UBXN1: variants seen among roughly 807,000 people sequenced by gnomAD.
UBXN1 encodes the protein UBX domain protein 1.
UBXN1 carries 21 observed loss-of-function variants against 42.0 expected under a neutral mutation model. That is an observed-to-expected ratio of 0.50 (90% CI 0.35 to 0.72). The LOEUF is 0.72. Ranked by LOEUF, UBXN1 falls within the 30% of genes least tolerant of loss-of-function variation. The pLI is 0.00. For missense variants in UBXN1, 374 were observed against 382.2 expected, an observed-to-expected ratio of 0.98 and a Z score of 0.18; for synonymous variants, 172 against 142.6, an observed-to-expected ratio of 1.21 and a Z score of -1.47.
At position 62,676,880 on chromosome 11, in the gene UBXN1, T is replaced by A; in HGVS notation, c.777A>T (p.Gln259His). Residue 259 changes from glutamine (Q) to histidine (H), a missense_variant, in exon 8 of 9, where the codon CAA (glutamine) becomes CAT (histidine). Physicochemically the swap from Gln to His is conservative, Grantham distance 24. Transcript: ENST00000301935. ...EELGGGQDPVQLLSGFPRRAF... is the reference protein window; with the variant it reads ...EELGGGQDPVHLLSGFPRRAF... ...CCCGTCTGGGGAAGCCACTGAGCAATTGCACAGGGTCCTGGCCCCCACCTA... is the reference window on the plus strand; with the variant it reads ...CCCGTCTGGGGAAGCCACTGAGCAAATGCACAGGGTCCTGGCCCCCACCTA... 1 of 1,614,054 alleles carries A rather than the reference T, an allele frequency of 6.2e-7. No individual in the cohort carries two copies. Among genetic ancestry groups the A allele is most frequent in the Non-Finnish European group, 8.5e-7 (1 of 1,180,034 alleles).
At position 62,679,043 on chromosome 11, in the gene UBXN1, C is replaced by A; in HGVS notation, c.-120G>T. The stretch of plus-strand genomic sequence containing the variant: ...GACGGGCGCTCGCTCTCTCACCCGG[C>A]TCTATAGCAGCCGGGAACACCGACG... On this transcript the variant is annotated 5_prime_UTR_variant, in exon 1 of 9. Transcript: ENST00000301935. 9.0e-7 allele frequency: 1 copy of A among 1,106,536 alleles called. No individual in the cohort carries two copies. The highest frequency in any genetic ancestry group is 1.3e-6 in the Non-Finnish European group (1 of 786,098). The allele number at this position is 1,106,536 out of a possible 1,614,324, so 68.5% of individuals were successfully genotyped here. A position where few individuals can be genotyped will look rare whatever the true frequency, so the allele number is the denominator to read the frequency against.
chr11:62,677,158 G>T, intron 7 of UBXN1, 153 bp from the exon 8 acceptor site: 1 of 838,316 alleles, frequency 1.2e-6, no homozygotes, highest in Non-Finnish European at 1.8e-6. Context: ...CTTAGGCTCC[G>T]CTTTACTAAG....
chr11:62,677,042 C>T (rs759938708), intron 7 of UBXN1, 37 bp from the exon 8 acceptor site: 1 of 1,578,210 alleles, frequency 6.3e-7, no homozygotes, highest in East Asian at 2.3e-5. Context: ...TTGTGGGCAT[C>T]AAAACTGAAT....
intron 5 of UBXN1, 28 bp from the exon 6 acceptor site, chr11:62,677,860 T>C (rs1565135194): frequency 6.2e-7 from 1 of 1,614,198 alleles, no homozygotes; most frequent in Non-Finnish European, 8.5e-7. Flanking sequence ...AGAAATTAGG[T>C]CAGACATCAA....
chr11:62,677,344 TG>T, intron 7 of UBXN1, 173 bp downstream of exon 7: 2 of 711,138 alleles, frequency 2.8e-6, no homozygotes, highest in Non-Finnish European at 2.4e-6. Flanking sequence ...TAAATACAAC[TG>T]GGGCAGGTGA....
rs142782985 is a variant in UBXN1 at position 62,678,707 on chromosome 11, G to C, written c.96C>G (p.Ile32Met). ...KALALTGNQG[I>M]EAAMDWLMEH... ...GCGCTTACCAGTCCATCGCAGCCTCGATGCCCTGGTTCCCTGTGAGGGCCA... is the reference window on the plus strand; with the variant it reads ...GCGCTTACCAGTCCATCGCAGCCTCCATGCCCTGGTTCCCTGTGAGGGCCA... The change falls in exon 2 of 9, where the codon ATC becomes ATG. Residue 32 changes from isoleucine (I) to methionine (M), a missense_variant. Physicochemically the swap from Ile to Met is conservative, Grantham distance 10. Transcript: ENST00000301935. 2.2e-3 allele frequency: 3,184 copies of C among 1,476,030 alleles called. 4 individuals carry two copies. Among genetic ancestry groups the C allele is most frequent in the Non-Finnish European group, 2.5e-3 (2,731 of 1,096,122 alleles). The allele number at this position is 1,476,030 out of a possible 1,614,324, so 91.4% of individuals were successfully genotyped here.
chr11:62,676,705 C>G (rs762442406), intron 8 of UBXN1, 66 bp from the exon 9 acceptor site: 22 of 1,614,106 alleles, frequency 1.4e-5, no homozygotes, highest in Non-Finnish European at 1.8e-5. Flanking sequence ...AAATTCCTGG[C>G]CTTGCACCAT....
chr11:62,677,568 G>A lies in UBXN1; in HGVS notation c.601C>T (p.Pro201Ser). 6.2e-7 allele frequency: 1 copy of A among 1,614,144 alleles called. No individual in the cohort carries two copies. The change falls in exon 7 of 9, where the codon CCC (proline) becomes TCC (serine). Residue 201 changes from proline to serine, a missense_variant. By Grantham distance (74) the Pro-to-Ser change is moderately conservative. Transcript: ENST00000301935. Reference protein sequence around the residue: ...APEPGPVPSSPSQEPPTKREY... With the variant: ...APEPGPVPSSSSQEPPTKREY... The stretch of plus-strand genomic sequence containing the variant: ...CGCTTGGTGGGAGGCTCCTGGCTGG[G>A]AGAAGAGGGAACAGGACCTGGCTCT...
Position 62,678,578 on chromosome 11 carries a change from G to A in UBXN1, c.137C>T (p.Pro46Leu), listed in dbSNP as rs776196357. 2.5e-6 allele frequency: 4 copies of A among 1,611,650 alleles called. No individual in the cohort carries two copies. The South Asian group carries it at 3.3e-5, about 13-fold the overall frequency. Residue 46 changes from proline (P) to leucine (L), a missense_variant, in exon 3 of 9, where the codon CCC becomes CTC. By Grantham distance (98) the Pro-to-Leu change is moderately conservative. Coordinates refer to ENST00000301935, the MANE Select transcript of UBXN1 (RefSeq NM_001286077.2). ...AGTCTCTAAAGGCTCGTCCACATCG[G>A]GGTCGTCTTCGTGCTCCATCAGCCT... ...MDWLMEHEDD[P>L]DVDEPLETPL...
intron 3 of UBXN1, 35 bp from the exon 4 acceptor site, chr11:62,678,443 G>T (rs1945076221): frequency 6.2e-7 from 1 of 1,613,954 alleles, no homozygotes; most frequent in African/African-American, 1.3e-5. Context: ...TATCCCTTCA[G>T]ATTCTCCTCG....
chr11:62,676,601 A>G lies in UBXN1; in HGVS notation c.883T>C (p.Cys295Arg). The G allele has an allele frequency of 6.2e-7, 1 of 1,609,414 alleles. No homozygotes were observed. Among genetic ancestry groups the G allele is most frequent in the African/African-American group, 1.3e-5 (1 of 74,948 alleles). Reference sequence around the variant, plus strand: ...TGGGACAAAGGCCCTCAGCTGGGACATTTCTTGGCCACAATGAGAACAGCA... The same window carrying G: ...TGGGACAAAGGCCCTCAGCTGGGACGTTTCTTGGCCACAATGAGAACAGCA... ...PSAVLIVAKK[C>R]PS is the part of the protein sequence containing the mutation. The change falls in exon 9 of 9, where the codon TGT becomes CGT. Residue 295 changes from cysteine to arginine, a missense_variant. Transcript: ENST00000301935.
At chr11:62,677,903 A>C in intron 5 of UBXN1, 24 bp downstream of exon 5, 1 of 1,614,066 alleles carries the variant, frequency 6.2e-7, no homozygotes, top group Non-Finnish European at 8.5e-7. Context: ...CTCATCTGCT[A>C]TCCATCATTT....
chr11:62,678,244 G>C, intron 4 of UBXN1, 95 bp downstream of exon 4: 3 of 1,605,436 alleles, frequency 1.9e-6, no homozygotes, highest in Non-Finnish European at 2.6e-6. Context: ...TGCCAAGAAA[G>C]AGGAAATGTG....
At position 62,678,320 on chromosome 11, in the gene UBXN1, G is replaced by A. The variant is rs1333637592; in HGVS notation, c.290+19C>T. 3.1e-6 allele frequency: 5 copies of A among 1,614,038 alleles called. No individual in the cohort carries two copies. Among genetic ancestry groups the A allele is most frequent in the South Asian group, 1.1e-5 (1 of 91,084 alleles). ...GATGGAAGACGACCCTCAGACACGT[G>A]AGATTGTTGTTACTGTACCTCTTAG... On this transcript the variant is annotated intron_variant, in intron 4 of 8. Coordinates refer to ENST00000301935, the MANE Select transcript of UBXN1 (RefSeq NM_001286077.2).
In UBXN1 at chr11:62,679,023, G is replaced by A. The variant is rs1288086516; in HGVS notation, c.-100C>T. The A allele has an allele frequency of 8.2e-6, 11 of 1,348,554 alleles. No homozygotes were observed. The highest frequency in any genetic ancestry group is 2.3e-5 in the Admixed American group (1 of 43,238). The allele number at this position is 1,348,554 out of a possible 1,614,324, so 83.5% of individuals were successfully genotyped here. ...ACCCGCCCTCGACACCCGCCGACGG[G>A]CGCTCGCTCTCTCACCCGGCTCTAT... On this transcript the variant is annotated 5_prime_UTR_variant, in exon 1 of 9. Coordinates refer to ENST00000301935, the MANE Select transcript of UBXN1 (RefSeq NM_001286077.2).
chr11:62,677,011 G>T lies in UBXN1; in HGVS notation c.652-6C>A. On this transcript the variant is annotated splice_polypyrimidine_tract_variant and splice_region_variant and intron_variant, in intron 7 of 8. Coordinates refer to ENST00000301935, the MANE Select transcript of UBXN1 (RefSeq NM_001286077.2). ...GTCCCATCTGGCAGCCTGACCTAAA[G>T]GGCAAGGGAGATACTCAGTATTGTG... 1 of 1,606,074 alleles carries T rather than the reference G, an allele frequency of 6.2e-7. No homozygotes were observed. The highest frequency in any genetic ancestry group is 2.2e-5 in the East Asian group (1 of 44,836).
At chr11:62,678,290 G>C (rs1182924113) in intron 4 of UBXN1, 49 bp downstream of exon 4, 13 of 1,612,490 alleles carry the variant, frequency 8.1e-6, no homozygotes, top group Non-Finnish European at 1.1e-5. Context: ...CGTGTACTGG[G>C]GAGAGATGGA....
chr11:62,677,103 A>G (rs1945032333), intron 7 of UBXN1, 98 bp from the exon 8 acceptor site: 1 of 1,363,772 alleles, frequency 7.3e-7, no homozygotes, highest in Admixed American at 2.4e-5. Context: ...TTCTTCTTAG[A>G]TTGAACCAGC....
rs1473670726 is a variant in UBXN1, at chr11:62,678,411, A to G, written c.221-3T>C. On this transcript the variant is annotated splice_region_variant and splice_polypyrimidine_tract_variant and intron_variant, in intron 3 of 8. Coordinates refer to ENST00000301935, the MANE Select transcript of UBXN1 (RefSeq NM_001286077.2). ...TTCTCCGGCAGCAGAACCAGATCCT[A>G]CAAACAAACAATCGGTATTATTATC... 18 of 1,602,102 alleles carry G rather than the reference A, an allele frequency of 1.1e-5. No homozygotes were observed. Among genetic ancestry groups the G allele is most frequent in the Non-Finnish European group, 1.5e-5 (17 of 1,168,792 alleles).
Sources: allele counts gnomAD v4.1 joint callset, GRCh38; gene constraint gnomAD v4.1.1; transcripts MANE v1.5; gene names NCBI Gene and HGNC (gene_info 2026-07-23, HGNC 2026-07-21).